The following UBA3 variants were observed in gnomAD, a reference collection of about 807,000 sequenced individuals.
The protein encoded by UBA3 is NEDD8-activating enzyme E1 catalytic subunit.
Under a neutral mutation model 73.5 loss-of-function variants are expected in UBA3, and 26 were observed. That is an observed-to-expected ratio of 0.35 (90% CI 0.26 to 0.49). UBA3 has a LOEUF of 0.49. UBA3 is among the 20% of genes least tolerant of loss of function. The pLI is 0.98. For missense variants in UBA3, 495 were observed against 555.6 expected (o/e 0.89, Z 1.10); for synonymous variants, 217 against 191.2 (o/e 1.13, Z -1.11).
At chr3:69,072,337 C>T (rs1424056337) in intron 4 of UBA3, among the ~76,000 whole-genome samples, 2 of 152,146 alleles carry the variant, frequency 1.3e-5, no homozygotes, top group African/African-American at 2.4e-5. Context: ...CAATAATTTC[C>T]TCATTTTTCT....
At chr3:69,071,024 C>A (rs1191127332) in intron 5 of UBA3, 1 of 154,720 alleles carries the variant, frequency 6.5e-6, no homozygotes, top group East Asian at 1.9e-4. Context: ...AGGTAACCAT[C>A]CCTCTTTGTT....
chr3:69,071,487 G>A, intron 5 of UBA3, 48 bp downstream of exon 5: 1 of 1,001,102 alleles, frequency 1.0e-6, no homozygotes, highest in Non-Finnish European at 1.5e-6. Flanking sequence ...AAGTTCAAAT[G>A]ATTATCAGAG....
chr3:69,075,513 G>T lies in UBA3; in HGVS notation c.184-3C>A. 6.5e-7 allele frequency: 1 copy of T among 1,531,450 alleles called. No individual in the cohort carries two copies. Among genetic ancestry groups the T allele is most frequent in the African/African-American group, 1.4e-5 (1 of 70,284 alleles). The allele number at this position is 1,531,450 out of a possible 1,614,324, so 94.9% of individuals were successfully genotyped here. On this transcript the variant is annotated splice_polypyrimidine_tract_variant and splice_region_variant and intron_variant, in intron 3 of 17. Coordinates refer to ENST00000361055, the MANE Select transcript of UBA3 (RefSeq NM_003968.4). ...GTATCTAACAAGAACTGGAGAGACT[G>T]TAAAGAATGGAAAGGCATATTAAAA...
At chr3:69,066,592 C>T (rs894265315) in intron 6 of UBA3, among the ~76,000 whole-genome samples, 14 of 151,914 alleles carry the variant, frequency 9.2e-5, no homozygotes, top group Non-Finnish European at 1.8e-4. Flanking sequence ...CCACTGTGCC[C>T]GGCTAATTTT....
At chr3:69,067,750 T>C (rs2092085806) in intron 6 of UBA3, among the ~76,000 whole-genome samples, 178 bp downstream of exon 6, 1 of 152,106 alleles carries the variant, frequency 6.6e-6, no homozygotes, top group Non-Finnish European at 1.5e-5. Context: ...TATATAACCA[T>C]ACAGAAAAGA....
intron 4 of UBA3, among the ~76,000 whole-genome samples, chr3:69,073,154 T>C (rs1390018528): frequency 1.3e-5 from 2 of 152,158 alleles, no homozygotes; most frequent in Non-Finnish European, 2.9e-5. Flanking sequence ...CATAAATCTC[T>C]CCAATGACTT....
chr3:69,055,797 C>A, intron 17 of UBA3, 54 bp downstream of exon 17: 1 of 1,540,226 alleles, frequency 6.5e-7, no homozygotes. Flanking sequence ...ATTACTTTCA[C>A]CAAAAAGAGA....
chr3:69,071,675 C>A, intron 4 of UBA3, 58 bp from the exon 5 acceptor site: 1 of 1,100,966 alleles, frequency 9.1e-7, no homozygotes, highest in Non-Finnish European at 1.3e-6. Context: ...AAAAACGTAA[C>A]ATTTGTTTTC....
In UBA3 at chr3:69,056,270, G is replaced by T; in HGVS notation, c.1097C>A (p.Ala366Asp). The change falls in exon 15 of 18, where the codon GCT becomes GAT. Residue 366 changes from alanine (A) to aspartate (D), a missense_variant. Transcript: ENST00000361055. ...FEAERKENCP[A>D]CSQLPQNIQF... is the part of the protein sequence containing the mutation. ...AATATTTTGAGGAAGCTGGCTACAAGCTGGGCAGTTTTCCTACACACATAA... is the reference window on the plus strand; with the variant it reads ...AATATTTTGAGGAAGCTGGCTACAATCTGGGCAGTTTTCCTACACACATAA... 6.3e-7 allele frequency: 1 copy of T among 1,599,814 alleles called. No individual in the cohort carries two copies. Among genetic ancestry groups the T allele is most frequent in the Non-Finnish European group, 8.5e-7 (1 of 1,176,062 alleles).
Position 69,056,213 on chromosome 3 carries a change from A to G in UBA3, c.1154T>C (p.Val385Ala). The G allele has an allele frequency of 6.3e-7, 1 of 1,598,210 alleles. No homozygotes were observed. Among genetic ancestry groups the G allele is most frequent in the Non-Finnish European group, 8.5e-7 (1 of 1,175,672 alleles). Residue 385 changes from valine (V) to alanine (A), a missense_variant, in exon 15 of 18, where the codon GTT becomes GCT. By Grantham distance (64) the Val-to-Ala change is moderately conservative (BLOSUM62 0). Coordinates refer to ENST00000361055, the MANE Select transcript of UBA3 (RefSeq NM_003968.4). ...AGCACTATTGGTTAGATAATCCAAAACCTCCTGTAGTTTAGCTGATGGAGA... is the reference window on the plus strand; with the variant it reads ...AGCACTATTGGTTAGATAATCCAAAGCCTCCTGTAGTTTAGCTGATGGAGA... Reference protein sequence around the residue: ...QFSPSAKLQEVLDYLTNSASL... With the variant: ...QFSPSAKLQEALDYLTNSASL...
At chr3:69,066,354 C>T (rs1050837866) in intron 6 of UBA3, among the ~76,000 whole-genome samples, 6 of 152,138 alleles carry the variant, frequency 3.9e-5, no homozygotes, top group African/African-American at 7.2e-5. Flanking sequence ...ATCTGCACCA[C>T]CATACCCCAC....
At chr3:69,056,499 A>G in intron 14 of UBA3, 113 bp downstream of exon 14, 2 of 950,676 alleles carry the variant, frequency 2.1e-6, no homozygotes, top group South Asian at 3.5e-5. Flanking sequence ...ATATATAATA[A>G]GTAGAGTTCT....
chr3:69,071,411 T>C, intron 5 of UBA3, 124 bp downstream of exon 5: 1 of 594,372 alleles, frequency 1.7e-6, no homozygotes, highest in Non-Finnish European at 2.8e-6. Context: ...GTAGTTTTTG[T>C]TTTTTAAAAT....
Position 69,077,926 on chromosome 3 carries a change from G to C in UBA3, c.63-8C>G, listed in dbSNP as rs2092182238. Reference sequence around the variant, plus strand: ...CCACCATCAACAGCCATTCTGCACAGAACACAGTAAATTCAGCTGCAAAGA... The same window carrying C: ...CCACCATCAACAGCCATTCTGCACACAACACAGTAAATTCAGCTGCAAAGA... On this transcript the variant is annotated splice_region_variant and splice_polypyrimidine_tract_variant and intron_variant, in intron 2 of 17. Transcript: ENST00000361055. 6.2e-7 allele frequency: 1 copy of C among 1,611,428 alleles called. No individual in the cohort carries two copies. Among genetic ancestry groups the C allele is most frequent in the East Asian group, 2.2e-5 (1 of 44,812 alleles).
intron 5 of UBA3, among the ~76,000 whole-genome samples, chr3:69,070,478 C>T (rs1255495548): frequency 2.0e-5 from 3 of 151,998 alleles, no homozygotes; most frequent in Non-Finnish European, 4.4e-5. Context: ...GTAACAGATG[C>T]AAACTTCCTA....
chr3:69,071,317 A>C lies in UBA3; in HGVS notation c.347+218T>G. 3 of 406,076 alleles carry C rather than the reference A, an allele frequency of 7.4e-6. No individual in the cohort carries two copies. The South Asian group carries it at 9.8e-5, about 13-fold the overall frequency. The allele number at this position is 406,076 out of a possible 1,614,324, so 25.2% of individuals were successfully genotyped here. ...CTTTGGAAGGAGACTTCTTCGAAAA[A>C]ACAAAAACATGTATTTGTTTACATA... On this transcript the variant is annotated intron_variant, in intron 5 of 17. Transcript: ENST00000361055.
chr3:69,057,648 ACT>A (rs915105398), intron 11 of UBA3, among the ~76,000 whole-genome samples: 1 of 152,168 alleles, frequency 6.6e-6, no homozygotes, highest in Non-Finnish European at 1.5e-5. Context: ...CATGTTAATT[ACT>A]CTGATTTTAA....
chr3:69,061,399 TG>T (rs1238491046), intron 11 of UBA3, among the ~76,000 whole-genome samples: 1 of 152,238 alleles, frequency 6.6e-6, no homozygotes. Flanking sequence ...GTTGCCATGT[TG>T]GTCAGACTGC....
At chr3:69,057,924 C>CTTTTTTT (rs368333207) in intron 11 of UBA3, among the ~76,000 whole-genome samples, 8 of 115,474 alleles carry the variant, frequency 6.9e-5, no homozygotes, top group Non-Finnish European at 1.0e-4. Context: ...CCACATTTTT[C>CTTTTTTT]TTTTTTTTTT....
Sources: gnomAD v4.1 joint callset for allele counts (sites outside exome capture counted in the v4.1 genomes callset) on GRCh38, gnomAD v4.1.1 for gene constraint, MANE v1.5 for transcripts, NCBI Gene and HGNC (gene_info 2026-07-23, HGNC 2026-07-21) for gene names.